CCNYL1: variants seen among roughly 807,000 people sequenced by gnomAD.
The protein encoded by CCNYL1 is cyclin Y like 1, also known as cyclin-Y-like protein 1.
CCNYL1 carries 16 observed loss-of-function variants against 44.2 expected under a neutral mutation model. That is an observed-to-expected ratio of 0.36 (90% CI 0.25 to 0.55). The LOEUF (loss-of-function observed/expected upper bound fraction) is 0.55, where lower values mean the gene tolerates loss of function less well. CCNYL1 is among the 20% of genes least tolerant of loss of function. The probability of loss-of-function intolerance (pLI) is 0.85; values close to 1 mark genes in which losing one functional copy is unlikely to be tolerated. For synonymous variants in CCNYL1, 159 were observed against 163.2 expected (o/e 0.97, Z 0.20); for missense variants, 348 against 451.8 (o/e 0.77, Z 2.08).
chr2:207,712,007 C>A lies in CCNYL1; in HGVS notation c.111C>A (p.Ser37=). ...CGTCCGACATCTACGAGGCGGTGTC[C>A]GGGGACGCGGTGGCGGTAGCGCCCG... ...YCASDIYEAV[S]GDAVAVAPAV... The change falls in exon 1 of 10, where the codon TCC becomes TCA. Residue 37 remains serine (S), a synonymous_variant. Coordinates refer to ENST00000295414, the MANE Select transcript of CCNYL1 (RefSeq NM_001330218.2). 6.8e-7 allele frequency: 1 copy of A among 1,479,198 alleles called. No homozygotes were observed. Among genetic ancestry groups the A allele is most frequent in the Non-Finnish European group, 9.0e-7 (1 of 1,114,042 alleles). The allele number at this position is 1,479,198 out of a possible 1,614,324, so 91.6% of individuals were successfully genotyped here.
chr2:207,741,032 G>T (rs567742065), intron 6 of CCNYL1, among the ~76,000 whole-genome samples: 6 of 151,718 alleles, frequency 4.0e-5, no homozygotes, highest in East Asian at 3.9e-4. Context: ...GAGGCAGGCG[G>T]ATCACGAGGT....
intron 6 of CCNYL1, among the ~76,000 whole-genome samples, chr2:207,741,128 G>A (rs1222397546): frequency 3.3e-5 from 5 of 152,072 alleles, no homozygotes; most frequent in Non-Finnish European, 7.4e-5. Context: ...GGTGGCAGGC[G>A]CCTGTAGTCC....
intron 3 of CCNYL1, among the ~76,000 whole-genome samples, chr2:207,731,217 T>A (rs1443229266): frequency 6.6e-6 from 1 of 152,202 alleles, no homozygotes; most frequent in Non-Finnish European, 1.5e-5. Context: ...ATTTACCTCT[T>A]ATTTTAAATG....
intron 5 of CCNYL1, among the ~76,000 whole-genome samples, chr2:207,738,963 G>T (rs1559170414): frequency 6.6e-6 from 1 of 150,570 alleles, no homozygotes; most frequent in Non-Finnish European, 1.5e-5. Context: ...CAAGCAATCC[G>T]CACACCTCAG....
Position 207,726,365 on chromosome 2 carries a change from A to T in CCNYL1, c.296-477A>T, listed in dbSNP as rs118053193. ...TATTTTTTCAGTAACATACTAGTAG[A>T]TGACCAGTAAGTGGTTCAGGATGTT... On this transcript the variant is annotated intron_variant, in intron 2 of 9. Transcript: ENST00000295414. 4.2e-4 allele frequency among the ~76,000 whole-genome samples: 64 copies of T among 152,342 alleles called. No individual in the cohort carries two copies. In the East Asian group the frequency reaches 0.011, roughly 27 times the overall value.
rs2091549049 is a variant in CCNYL1, at chr2:207,711,751, G to A, written c.-146G>A. 2 of 422,014 alleles carry A rather than the reference G, an allele frequency of 4.7e-6. No homozygotes were observed. Among genetic ancestry groups the A allele is most frequent in the Non-Finnish European group, 3.9e-6 (1 of 259,408 alleles). 26.1% of individuals were successfully genotyped at this position (422,014 alleles called of 1,614,324 possible). A position where few individuals can be genotyped will look rare whatever the true frequency, so the allele number is the denominator to read the frequency against. On this transcript the variant is annotated 5_prime_UTR_variant, in exon 1 of 10. Coordinates refer to ENST00000295414, the MANE Select transcript of CCNYL1 (RefSeq NM_001330218.2). ...GGGCGGGCGGGCGAACCGCGGGCGA[G>A]GCGGCGTCTGCTTGCGCGGTGCAGC...
chr2:207,740,106 T>A (rs1418907671), intron 5 of CCNYL1, among the ~76,000 whole-genome samples: 1 of 152,214 alleles, frequency 6.6e-6, no homozygotes, highest in Non-Finnish European at 1.5e-5. Context: ...TTTTATTAAA[T>A]GAGCACAATG....
chr2:207,753,066 C>A (rs956172709), intron 9 of CCNYL1, among the ~76,000 whole-genome samples: 1 of 151,924 alleles, frequency 6.6e-6, no homozygotes, highest in Non-Finnish European at 1.5e-5. Flanking sequence ...TGTATTTCTA[C>A]CATAATTAAC....
chr2:207,719,138 GT>G (rs1437796237), intron 1 of CCNYL1, among the ~76,000 whole-genome samples: 1 of 152,106 alleles, frequency 6.6e-6, no homozygotes, highest in African/African-American at 2.4e-5. Flanking sequence ...GTGGTGGTGT[GT>G]GACTGTTTTT....
rs980567419 is a variant in CCNYL1 at position 207,754,341 on chromosome 2, CAG to C, written c.*646_*647del. 1.3e-5 allele frequency: 2 copies of C among 152,644 alleles called. No homozygotes were observed. The highest frequency in any genetic ancestry group is 2.9e-5 in the Non-Finnish European group (2 of 68,044). The allele number at this position is 152,644 out of a possible 1,614,324, so 9.5% of individuals were successfully genotyped here. A position where few individuals can be genotyped will look rare whatever the true frequency, so the allele number is the denominator to read the frequency against. ...ATTTTAGCATGTTTGGGGTCATAAA[CAG>C]AGGAAGTATCAGTTATTGATATCTA... On this transcript the variant is annotated 3_prime_UTR_variant, in exon 10 of 10. Transcript: ENST00000295414.
chr2:207,736,975 G>A (rs1179349058), intron 4 of CCNYL1, among the ~76,000 whole-genome samples: 1 of 151,770 alleles, frequency 6.6e-6, no homozygotes, highest in East Asian at 1.9e-4. Flanking sequence ...GAGTGCAGTG[G>A]CACGATCTCG....
intron 5 of CCNYL1, 53 bp downstream of exon 5, chr2:207,737,499 A>G: frequency 1.4e-6 from 2 of 1,429,880 alleles, no homozygotes; most frequent in Non-Finnish European, 2.0e-6. Context: ...TTTGCATGAT[A>G]TCAAGTTCAG....
chr2:207,752,927 T>C (rs577893556), intron 9 of CCNYL1, among the ~76,000 whole-genome samples: 1 of 151,580 alleles, frequency 6.6e-6, no homozygotes, highest in Non-Finnish European at 1.5e-5. Context: ...TAATCCTAGC[T>C]ACTTGGGAGG....
At chr2:207,724,146 C>A (rs1575211548) in intron 1 of CCNYL1, among the ~76,000 whole-genome samples, 1 of 152,084 alleles carries the variant, frequency 6.6e-6, no homozygotes, top group Non-Finnish European at 1.5e-5. Context: ...ACCAAATTAA[C>A]CATGCTGTTA....
chr2:207,714,052 C>T lies in CCNYL1; in HGVS notation c.220+1936C>T, dbSNP rs376310446. Among the ~76,000 whole-genome samples the T allele has an allele frequency of 6.6e-5, 10 of 152,118 alleles. No individual in the cohort carries two copies. The South Asian group carries it at 1.0e-3, about 16-fold the overall frequency. ...CAAAATAAGGCCTGTTTATATTCCC[C>T]GTGTTGCTAATGAAGAAATAAAGAG... is the stretch of plus-strand genomic sequence containing the variant. On this transcript the variant is annotated intron_variant, in intron 1 of 9. Coordinates refer to ENST00000295414, the MANE Select transcript of CCNYL1 (RefSeq NM_001330218.2).
intron 5 of CCNYL1, among the ~76,000 whole-genome samples, chr2:207,740,146 C>T (rs1043853508): frequency 6.6e-6 from 1 of 152,130 alleles, no homozygotes; most frequent in African/African-American, 2.4e-5. Flanking sequence ...TAAAGATTAT[C>T]AAAGCCTTGT....
chr2:207,713,650 T>C (rs377441336), intron 1 of CCNYL1, among the ~76,000 whole-genome samples: 1 of 152,256 alleles, frequency 6.6e-6, no homozygotes, highest in Admixed American at 6.5e-5. Context: ...GAGATTTCAT[T>C]ACTATAGAAG....
chr2:207,744,188 A>C (rs2091835110), intron 7 of CCNYL1, among the ~76,000 whole-genome samples: 1 of 152,028 alleles, frequency 6.6e-6, no homozygotes, highest in Non-Finnish European at 1.5e-5. Flanking sequence ...TGCTGGCATT[A>C]CAGGCAGCCA....
At chr2:207,731,021 A>G (rs1476343445) in intron 3 of CCNYL1, among the ~76,000 whole-genome samples, 1 of 152,192 alleles carries the variant, frequency 6.6e-6, no homozygotes, top group Non-Finnish European at 1.5e-5. Context: ...TTTAGTTATA[A>G]TAAGCATATT....
Sources: allele counts gnomAD v4.1 joint callset (sites outside exome capture counted in the v4.1 genomes callset), GRCh38; gene constraint gnomAD v4.1.1; transcripts MANE v1.5; gene names NCBI Gene and HGNC (gene_info 2026-07-23, HGNC 2026-07-21).